Variants in NID2 observed in about 807,000 individuals in gnomAD.
The protein encoded by NID2 is nidogen 2, also known as nidogen-2.
NID2 carries 83 observed loss-of-function variants against 145.4 expected under a neutral mutation model. The ratio of observed to expected loss-of-function variants is 0.57; its 90% CI spans 0.48 to 0.69. NID2 has a LOEUF of 0.69. NID2 is among the 30% of genes least tolerant of loss of function. The pLI is 0.00. For missense variants in NID2, 1,807 were observed against 1,765.7 expected (o/e 1.02, Z -0.42); for synonymous variants, 739 against 701.3 (o/e 1.05, Z -0.85).
intron 14 of NID2, among the ~76,000 whole-genome samples, chr14:52,017,210 C>T (rs1479456804): frequency 6.6e-6 from 1 of 152,160 alleles, no homozygotes; most frequent in Non-Finnish European, 1.5e-5. Context: ...AAGAGACATG[C>T]CTAACTCCTG....
intron 5 of NID2, among the ~76,000 whole-genome samples, chr14:52,044,266 C>CCT (rs1892394842): frequency 8.8e-6 from 1 of 113,918 alleles, no homozygotes; most frequent in African/African-American, 3.5e-5. Flanking sequence ...ATTTAACAAC[C>CCT]TTTTTTTTTT....
intron 9 of NID2, among the ~76,000 whole-genome samples, chr14:52,033,695 T>TG (rs1346069453): frequency 1.3e-5 from 2 of 152,276 alleles, no homozygotes; most frequent in African/African-American, 2.4e-5. Flanking sequence ...AAAAAACTTT[T>TG]GGGTGTTTCT....
chr14:52,006,302 A>G, intron 20 of NID2: 1 of 472,656 alleles, frequency 2.1e-6, no homozygotes, highest in East Asian at 3.7e-5. Context: ...GCTACTTTTT[A>G]AGCTATATGT....
Position 52,019,233 on chromosome 14 carries a change from G to A in NID2, c.2856C>T (p.Ala952=). The change falls in exon 14 of 22, where the codon GCC becomes GCT. Residue 952 remains alanine (A), a synonymous_variant. Coordinates refer to ENST00000216286, the MANE Select transcript of NID2 (RefSeq NM_007361.4). The part of the protein sequence containing the change: ...QQQRHAQAQY[A]YPGARFHIPQ... ...GGATGTGGAACCGGGCCCCAGGGTA[G>A]GCATACTGGGCCTGGGCATGGCGCT... 6.2e-7 allele frequency: 1 copy of A among 1,611,944 alleles called. No homozygotes were observed. The highest frequency in any genetic ancestry group is 8.5e-7 in the Non-Finnish European group (1 of 1,178,142).
At chr14:52,020,305 T>C (rs1372568762) in intron 12 of NID2, 127 bp from the exon 13 acceptor site, 3 of 1,471,050 alleles carry the variant, frequency 2.0e-6, no homozygotes, top group Non-Finnish European at 2.7e-6. Flanking sequence ...CAGAAGACCT[T>C]TGAGCATGAG....
Position 52,054,136 on chromosome 14 carries a change from T to C in NID2, c.953A>G (p.Tyr318Cys). ...SDYNEDNLDYYDVNEEEAEYL... is the reference protein window; with the variant it reads ...SDYNEDNLDYCDVNEEEAEYL... ...TTCAGCTTCCTCCTCATTCACATCATAGTAATCCAAATTGTCCTCATTATA... is the reference window on the plus strand; with the variant it reads ...TTCAGCTTCCTCCTCATTCACATCACAGTAATCCAAATTGTCCTCATTATA... Residue 318 changes from tyrosine to cysteine, a missense_variant, in exon 4 of 22, where the codon TAT (tyrosine) becomes TGT (cysteine). Transcript: ENST00000216286. 2 of 1,614,094 alleles carry C rather than the reference T, an allele frequency of 1.2e-6. No homozygotes were observed. Among genetic ancestry groups the C allele is most frequent in the Non-Finnish European group, 1.7e-6 (2 of 1,179,996 alleles).
rs773173710 is a variant in NID2, at chr14:52,005,442, A to C, written c.*44T>G. 3.2e-6 allele frequency: 5 copies of C among 1,549,618 alleles called. No homozygotes were observed. The highest frequency in any genetic ancestry group is 4.3e-6 in the Non-Finnish European group (5 of 1,151,374). ...TTGCAGTCACTGTTCTTTAGGGTCCAGGTTCTGATTGTAAACTCCAAGTCT... is the reference window on the plus strand; with the variant it reads ...TTGCAGTCACTGTTCTTTAGGGTCCCGGTTCTGATTGTAAACTCCAAGTCT... On this transcript the variant is annotated 3_prime_UTR_variant, in exon 22 of 22. Transcript: ENST00000216286.
intron 9 of NID2, among the ~76,000 whole-genome samples, chr14:52,034,515 A>G (rs1245880554): frequency 2.0e-5 from 3 of 152,150 alleles, no homozygotes; most frequent in East Asian, 1.9e-4. Flanking sequence ...TTACAATCCA[A>G]TATCTGGGCA....
chr14:52,031,899 C>A (rs1364286899), intron 9 of NID2, among the ~76,000 whole-genome samples: 1 of 152,192 alleles, frequency 6.6e-6, no homozygotes, highest in African/African-American at 2.4e-5. Context: ...CTGGTCTATA[C>A]TCTCAAGTTA....
chr14:52,014,751 G>A (rs1464668501), intron 15 of NID2, among the ~76,000 whole-genome samples: 6 of 151,644 alleles, frequency 4.0e-5, no homozygotes, highest in Non-Finnish European at 5.9e-5. Flanking sequence ...CATTGTGTCA[G>A]CTTCCTTTTA....
chr14:52,021,106 C>CGAA (rs1891389873), intron 12 of NID2, among the ~76,000 whole-genome samples: 1 of 151,560 alleles, frequency 6.6e-6, no homozygotes, highest in African/African-American at 2.4e-5. Flanking sequence ...GGAAGTCTTT[C>CGAA]AGAGTAAAAG....
intron 2 of NID2, among the ~76,000 whole-genome samples, chr14:52,063,223 G>A (rs1893070790): frequency 6.6e-6 from 1 of 152,204 alleles, no homozygotes; most frequent in Non-Finnish European, 1.5e-5. Flanking sequence ...GAGCCGCACA[G>A]GCTCTGTCTC....
chr14:52,051,805 T>A (rs1892688149), intron 5 of NID2, among the ~76,000 whole-genome samples: 1 of 152,236 alleles, frequency 6.6e-6, no homozygotes, highest in South Asian at 2.1e-4. Context: ...ACAGGCGTTT[T>A]TTGCCATTAC....
Position 52,010,989 on chromosome 14 carries a change from C to T in NID2, c.3609G>A (p.Thr1203=), listed in dbSNP as rs375135702. ...TCTCTATCTTATCCAGGACACTGTC[C>T]GTCCAGTACATTGTTCTGCGGATGT... The part of the protein sequence containing the change: ...IDHIRRTMYW[T]DSVLDKIESA... The change falls in exon 18 of 22, where the codon ACG becomes ACA. Residue 1203 remains threonine, a synonymous_variant. Transcript: ENST00000216286. 4.9e-5 allele frequency: 79 copies of T among 1,614,180 alleles called. No homozygotes were observed. The highest frequency in any genetic ancestry group is 1.7e-4 in the Middle Eastern group (1 of 6,040).
intron 10 of NID2, 70 bp from the exon 11 acceptor site, chr14:52,028,920 CAA>C: frequency 6.6e-7 from 1 of 1,517,342 alleles, no homozygotes; most frequent in Admixed American, 1.9e-5. Flanking sequence ...TCTAAAAACT[CAA>C]TGTTTTCTCA....
chr14:52,061,030 A>G (rs1442448564), intron 2 of NID2, among the ~76,000 whole-genome samples: 1 of 152,126 alleles, frequency 6.6e-6, no homozygotes, highest in Non-Finnish European at 1.5e-5. Context: ...TAGAGCCCAC[A>G]CCCTAGGACA....
intron 1 of NID2, 151 bp downstream of exon 1, chr14:52,068,616 G>T: frequency 1.5e-6 from 1 of 673,890 alleles, no homozygotes; most frequent in Non-Finnish European, 2.5e-6. Flanking sequence ...GGGGCAGGCA[G>T]CGGCATCGCT....
rs551463652 is a variant in NID2 at position 52,011,992 on chromosome 14, G to C, written c.3421-309C>G. The C allele has an allele frequency of 2.7e-3, 628 of 235,864 alleles. 3 individuals are homozygous for C. Among genetic ancestry groups the C allele is most frequent in the Non-Finnish European group, 3.4e-3 (404 of 119,474 alleles). 14.6% of individuals were successfully genotyped at this position (235,864 alleles called of 1,614,324 possible). On this transcript the variant is annotated intron_variant, in intron 16 of 21. Transcript: ENST00000216286. ...AAGTGCTTGTAAAGTGTCCTAATCA[G>C]TAATTGGCATACAGTAAGCCCTTCA...
At chr14:52,018,987 G>T in intron 14 of NID2, 74 bp downstream of exon 14, 2 of 1,145,810 alleles carry the variant, frequency 1.7e-6, no homozygotes, top group South Asian at 2.7e-5. Flanking sequence ...CCGTGCCTGC[G>T]TGGTCTGGGC....
Sources: gnomAD v4.1 joint callset for allele counts (sites outside exome capture counted in the v4.1 genomes callset) on GRCh38, gnomAD v4.1.1 for gene constraint, MANE v1.5 for transcripts, NCBI Gene and HGNC (gene_info 2026-07-23, HGNC 2026-07-21) for gene names.